Variants in BEND7 observed in about 807,000 individuals in gnomAD.
The protein encoded by BEND7 is BEN domain-containing protein 7.
In BEND7, 28 loss-of-function variants were observed where a neutral mutation model predicts 50.9. The ratio of observed to expected loss-of-function variants is 0.55; its 90% confidence interval spans 0.41 to 0.75. The LOEUF (loss-of-function observed/expected upper bound fraction) is 0.75, where lower values mean the gene tolerates loss of function less well. BEND7 is among the 30% of genes least tolerant of loss of function. The pLI, the probability that BEND7 is intolerant of heterozygous loss-of-function variation, is 0.00. For synonymous variants in BEND7, 170 were observed against 183.9 expected (o/e 0.92, Z 0.61); for missense variants, 477 against 491.3 (o/e 0.97, Z 0.28).
At chr10:13,528,237 T>C (rs2132852736) in intron 1 of BEND7, among the ~76,000 whole-genome samples, 1 of 151,994 alleles carries the variant, frequency 6.6e-6, no homozygotes, top group Middle Eastern at 3.4e-3. Flanking sequence ...TGTTTGCTAA[T>C]TTCCTGAGCT....
chr10:13,516,733 A>G (rs2078704907), intron 2 of BEND7, among the ~76,000 whole-genome samples: 1 of 152,158 alleles, frequency 6.6e-6, no homozygotes. Context: ...TCAAAGGAAA[A>G]AAAAATTATT....
At chr10:13,510,882 A>C (rs970457922) in intron 2 of BEND7, among the ~76,000 whole-genome samples, 8 of 152,124 alleles carry the variant, frequency 5.3e-5, no homozygotes, top group Non-Finnish European at 7.4e-5. Context: ...AAAAAAAAAA[A>C]CAAACTAGTC....
At chr10:13,526,064 C>T in intron 2 of BEND7, 74 bp downstream of exon 2, 1 of 749,962 alleles carries the variant, frequency 1.3e-6, no homozygotes, top group Non-Finnish European at 1.9e-6. Flanking sequence ...CGTTCCTGAA[C>T]AATTTCCTTT....
At chr10:13,440,624 C>CG (rs556902444), downstream of BEND7, among the ~76,000 whole-genome samples, 8 of 152,320 alleles carry the variant, frequency 5.3e-5, no homozygotes, top group Non-Finnish European at 8.8e-5. Context: ...CGGGAGGCGG[C>CG]GGGGGGCAGG....
chr10:13,456,315 A>G (rs1838965683), intron 6 of BEND7, among the ~76,000 whole-genome samples: 1 of 152,148 alleles, frequency 6.6e-6, no homozygotes, highest in South Asian at 2.1e-4. Context: ...GCGTGTGAGG[A>G]TGCTCAGGTG....
chr10:13,485,393 A>AT (rs1399008152), intron 5 of BEND7, among the ~76,000 whole-genome samples: 1 of 152,204 alleles, frequency 6.6e-6, no homozygotes, highest in African/African-American at 2.4e-5. Context: ...GATTCTGTGT[A>AT]TTATATAGGG....
chr10:13,474,103 T>C (rs552376790), intron 6 of BEND7, among the ~76,000 whole-genome samples: 1 of 152,174 alleles, frequency 6.6e-6, no homozygotes, highest in Admixed American at 6.5e-5. Flanking sequence ...ATACCTGTCA[T>C]TGCTGTTAGA....
intron 6 of BEND7, among the ~76,000 whole-genome samples, chr10:13,474,376 T>C (rs2075240161): frequency 6.7e-6 from 1 of 150,044 alleles, no homozygotes; most frequent in Non-Finnish European, 1.5e-5. Flanking sequence ...GGGTCGATAT[T>C]CCTCATGACT....
intron 8 of BEND7, chr10:13,445,756 T>C (rs1836183322): frequency 6.6e-6 from 1 of 152,156 alleles, no homozygotes; most frequent in Non-Finnish European, 1.5e-5. Context: ...TACTCACCAC[T>C]TGGGGGTGAA....
intron 8 of BEND7, chr10:13,442,554 ATAAAGTGGAGGGCAAG>A (rs1370388171): frequency 2.0e-5 from 3 of 152,376 alleles, no homozygotes; most frequent in Non-Finnish European, 2.9e-5. Context: ...TTAGTTTTAT[ATAAAGTGGAGGGCAAG>A]TATACTAGGA....
intron 5 of BEND7, among the ~76,000 whole-genome samples, chr10:13,485,893 T>G (rs1347550712): frequency 2.0e-5 from 3 of 152,214 alleles, no homozygotes. Flanking sequence ...TTTATTTTTA[T>G]TTTTTAGAGA....
At chr10:13,491,396 AT>A (rs1417534087) in intron 5 of BEND7, among the ~76,000 whole-genome samples, 2 of 151,904 alleles carry the variant, frequency 1.3e-5, no homozygotes, top group Non-Finnish European at 2.9e-5. Context: ...CTGTTTCCGA[AT>A]ATGTGATCTA....
chr10:13,494,503 G>A (rs2076902029), intron 4 of BEND7, among the ~76,000 whole-genome samples: 1 of 152,230 alleles, frequency 6.6e-6, no homozygotes. Flanking sequence ...CAGGCATGCT[G>A]CCTGGGAAAC....
downstream of BEND7, among the ~76,000 whole-genome samples, chr10:13,440,345 C>T (rs74122729): frequency 8.5e-3 from 1,289 of 152,340 alleles, 20 homozygotes; most frequent in African/African-American, 0.03. Context: ...GAGCCTGACT[C>T]CAGCTTCAGA....
chr10:13,438,974 G>A (rs917398929), downstream of BEND7: 2 of 574,360 alleles, frequency 3.5e-6, no homozygotes, highest in Non-Finnish European at 6.1e-6. Context: ...ACTCACTGTC[G>A]TCAGAATGAC....
downstream of BEND7, among the ~76,000 whole-genome samples, chr10:13,440,408 A>G (rs1835174793): frequency 6.6e-6 from 1 of 152,194 alleles, no homozygotes; most frequent in Non-Finnish European, 1.5e-5. Flanking sequence ...CTGTTTTTGC[A>G]ACAGCTCGCC....
chr10:13,497,112 G>A (rs990127859), intron 3 of BEND7, among the ~76,000 whole-genome samples: 7 of 152,224 alleles, frequency 4.6e-5, no homozygotes, highest in African/African-American at 1.7e-4. Context: ...TAACGTGCGT[G>A]CTGTGGCGCG....
intron 2 of BEND7, among the ~76,000 whole-genome samples, chr10:13,515,825 C>T (rs1233011133): frequency 6.6e-6 from 1 of 152,192 alleles, no homozygotes; most frequent in Non-Finnish European, 1.5e-5. Context: ...ATGACTGATC[C>T]CACAACCCTG....
chr10:13,482,655 A>G (rs561531971), intron 5 of BEND7, among the ~76,000 whole-genome samples: 1 of 152,360 alleles, frequency 6.6e-6, no homozygotes, highest in East Asian at 1.9e-4. Flanking sequence ...GAATATCCAG[A>G]AAGTCATCTC....
Sources: allele counts gnomAD v4.1 joint callset (sites outside exome capture counted in the v4.1 genomes callset), GRCh38; gene constraint gnomAD v4.1.1; transcripts MANE v1.5; gene names NCBI Gene and HGNC (gene_info 2026-07-23, HGNC 2026-07-21).